The following SKAP1 variants were observed in gnomAD, a reference collection of about 807,000 sequenced individuals.
SKAP1 encodes the protein src kinase associated phosphoprotein 1.
Under a neutral mutation model 58.5 loss-of-function variants are expected in SKAP1, and 44 were observed. That is an observed-to-expected ratio of 0.75 (90% CI 0.59 to 0.97). The LOEUF (loss-of-function observed/expected upper bound fraction) is 0.97, where lower values mean the gene tolerates loss of function less well. Among genes scored for constraint, SKAP1 ranks in the 50% least tolerant of loss-of-function variants. The pLI is 0.00. For synonymous variants in SKAP1, 127 were observed against 149.7 expected (o/e 0.85, Z 1.11); for missense variants, 390 against 435.2 (o/e 0.90, Z 0.92).
chr17:48,391,059 G>C (rs992957557), intron 2 of SKAP1, among the ~76,000 whole-genome samples: 4 of 152,078 alleles, frequency 2.6e-5, no homozygotes, highest in Admixed American at 2.6e-4. Flanking sequence ...GACAGAATGA[G>C]ACTCTGTCTC....
intron 11 of SKAP1, among the ~76,000 whole-genome samples, chr17:48,141,997 T>C (rs1287966953): frequency 6.6e-6 from 1 of 152,238 alleles, no homozygotes; most frequent in African/African-American, 2.4e-5. Flanking sequence ...TGCTGTGCCC[T>C]GTGCTTTCCT....
At chr17:48,158,177 CAA>C (rs55933327) in intron 11 of SKAP1, among the ~76,000 whole-genome samples, 22,303 of 105,592 alleles carry the variant, frequency 0.21, 1,886 homozygotes, top group South Asian at 0.31. Context: ...AACTCTGTCT[CAA>C]AAAAAAAAAA....
chr17:48,304,999 T>G (rs1200523141), intron 4 of SKAP1, among the ~76,000 whole-genome samples: 1 of 152,178 alleles, frequency 6.6e-6, no homozygotes, highest in East Asian at 1.9e-4. Flanking sequence ...CAATATAGTA[T>G]AGTGCAGGGA....
intron 4 of SKAP1, among the ~76,000 whole-genome samples, chr17:48,316,109 G>T (rs1166783081): frequency 6.6e-6 from 1 of 152,172 alleles, no homozygotes; most frequent in Non-Finnish European, 1.5e-5. Context: ...AATAGTTAGA[G>T]AATTCTTTTA....
At chr17:48,421,727 A>G (rs182234363) in intron 1 of SKAP1, among the ~76,000 whole-genome samples, 35 of 152,332 alleles carry the variant, frequency 2.3e-4, no homozygotes, top group African/African-American at 8.4e-4. Flanking sequence ...GTGACAAAAC[A>G]AAATTTCAAC....
At chr17:48,319,330 T>C (rs1053897263) in intron 4 of SKAP1, among the ~76,000 whole-genome samples, 2 of 152,074 alleles carry the variant, frequency 1.3e-5, no homozygotes, top group Admixed American at 1.3e-4. Flanking sequence ...TTTAAATTAA[T>C]GTAAAAGAAT....
chr17:48,270,041 G>A (rs1343509569), intron 4 of SKAP1, among the ~76,000 whole-genome samples: 1 of 152,142 alleles, frequency 6.6e-6, no homozygotes, highest in Non-Finnish European at 1.5e-5. Context: ...GAACCAGGAG[G>A]CGGAGGTTGC....
intron 4 of SKAP1, among the ~76,000 whole-genome samples, chr17:48,223,813 G>A (rs1340969670): frequency 6.6e-6 from 1 of 152,070 alleles, no homozygotes; most frequent in African/African-American, 2.4e-5. Flanking sequence ...AAGGTACCAA[G>A]GAACAGCAGA....
intron 4 of SKAP1, among the ~76,000 whole-genome samples, chr17:48,282,733 C>T (rs997119009): frequency 2.0e-5 from 3 of 151,768 alleles, no homozygotes; most frequent in Admixed American, 6.6e-5. Flanking sequence ...AAGGTCGTCT[C>T]GCTGCACTGC....
chr17:48,228,172 TGAGA>T (rs749675051), intron 4 of SKAP1, among the ~76,000 whole-genome samples: 5 of 150,828 alleles, frequency 3.3e-5, no homozygotes, highest in East Asian at 1.9e-4. Context: ...AGGGTGTGTG[TGAGA>T]GAGAGAGAGA....
chr17:48,156,431 C>G (rs1332949319), intron 11 of SKAP1: 1 of 524,482 alleles, frequency 1.9e-6, no homozygotes, highest in Non-Finnish European at 3.9e-6. Flanking sequence ...AGGAGACCTG[C>G]ACCAGCGCCA....
chr17:48,205,017 T>TTTCTTTCTTTC (rs1567819931), intron 4 of SKAP1, among the ~76,000 whole-genome samples: 7 of 25,506 alleles, frequency 2.7e-4, no homozygotes, highest in Non-Finnish European at 4.5e-4. Context: ...TTCTTTCTTT[T>TTTCTTTCTTTC]TCTTTCTTTC....
At chr17:48,322,370 T>A (rs1226470055) in intron 4 of SKAP1, among the ~76,000 whole-genome samples, 1 of 152,188 alleles carries the variant, frequency 6.6e-6, no homozygotes, top group African/African-American at 2.4e-5. Context: ...TTTAGACCCA[T>A]TTCATTTGAT....
At chr17:48,363,700 G>A (rs1054333266) in intron 3 of SKAP1, 89 bp downstream of exon 3, 23 of 1,166,644 alleles carry the variant, frequency 2.0e-5, no homozygotes, top group Non-Finnish European at 2.7e-5. Flanking sequence ...ATGCCACTCT[G>A]TGGAGAAGCT....
chr17:48,415,255 T>G (rs1375469684), intron 1 of SKAP1, among the ~76,000 whole-genome samples: 2 of 152,156 alleles, frequency 1.3e-5, no homozygotes, highest in Non-Finnish European at 1.5e-5. Flanking sequence ...TGGCATAAAT[T>G]TCTGCCTATT....
intron 4 of SKAP1, among the ~76,000 whole-genome samples, chr17:48,269,832 G>A (rs911564786): frequency 1.1e-4 from 16 of 152,086 alleles, no homozygotes; most frequent in Admixed American, 4.6e-4. Context: ...GGTGGCTCAC[G>A]CTTGTAATCC....
intron 2 of SKAP1, among the ~76,000 whole-genome samples, chr17:48,383,892 T>C (rs1011734149): frequency 3.3e-5 from 5 of 151,920 alleles, no homozygotes; most frequent in Non-Finnish European, 7.4e-5. Context: ...GCTAATTTTT[T>C]TGTATTTTTT....
Position 48,363,806 on chromosome 17 carries a change from C to T in SKAP1, c.161G>A (p.Trp54Ter). 6.2e-7 allele frequency: 1 copy of T among 1,603,792 alleles called. No homozygotes were observed. Among genetic ancestry groups the T allele is most frequent in the Non-Finnish European group, 8.5e-7 (1 of 1,175,316 alleles). ...GGACTCACCTTGGGGCTGAAAATCCCAATAGTACCTGAAATACAAGGGGGA... is the reference window on the plus strand; with the variant it reads ...GGACTCACCTTGGGGCTGAAAATCCTAATAGTACCTGAAATACAAGGGGGA... Reference protein sequence around the residue: ...GFQQIKARYYWDFQPQGGDIG... With the variant: ...GFQQIKARYY Residue 54 changes from tryptophan (W) to a stop codon, truncating the protein, a stop_gained, in exon 3 of 13, where the codon TGG becomes TAG. Coordinates refer to ENST00000336915, the MANE Select transcript of SKAP1 (RefSeq NM_003726.4). LOFTEE classifies it high-confidence loss of function.
chr17:48,259,727 A>G (rs1303353294), intron 4 of SKAP1, among the ~76,000 whole-genome samples: 1 of 152,202 alleles, frequency 6.6e-6, no homozygotes, highest in East Asian at 1.9e-4. Flanking sequence ...CCTATAACGT[A>G]GGTGTTTTTC....
Sources: allele counts gnomAD v4.1 joint callset (sites outside exome capture counted in the v4.1 genomes callset), GRCh38; gene constraint gnomAD v4.1.1; transcripts MANE v1.5; gene names NCBI Gene and HGNC (gene_info 2026-07-23, HGNC 2026-07-21).